AGBL4: variants seen among roughly 807,000 people sequenced by gnomAD.
AGBL4 encodes AGBL carboxypeptidase 4.
A neutral mutation model predicts 66.4 loss-of-function variants in AGBL4; 58 were observed. That is an observed-to-expected ratio of 0.87 (90% CI 0.71 to 1.09). The LOEUF (loss-of-function observed/expected upper bound fraction) is 1.09. Among genes scored for constraint, AGBL4 ranks in the 50% least tolerant of loss-of-function variants. AGBL4 has a pLI of 0.00. For synonymous variants in AGBL4, 234 were observed against 222.9 expected (o/e 1.05, Z -0.44); for missense variants, 579 against 631.0 (o/e 0.92, Z 0.88).
At chr1:49,448,065 G>T (rs1258131941) in intron 3 of AGBL4, among the ~76,000 whole-genome samples, 2 of 152,080 alleles carry the variant, frequency 1.3e-5, no homozygotes, top group Non-Finnish European at 2.9e-5. Flanking sequence ...GCAGCCTGAA[G>T]AAACTAAATT....
At chr1:48,640,601 G>A (rs1023458633) in intron 8 of AGBL4, among the ~76,000 whole-genome samples, 1 of 152,204 alleles carries the variant, frequency 6.6e-6, no homozygotes, top group African/African-American at 2.4e-5. Context: ...ATCCAAGAAA[G>A]ATTTCATCTT....
intron 3 of AGBL4, among the ~76,000 whole-genome samples, chr1:49,555,348 C>A (rs1653342859): frequency 6.6e-6 from 1 of 150,644 alleles, no homozygotes; most frequent in Non-Finnish European, 1.5e-5. Context: ...GAGCTAGACA[C>A]AGAGTGCTGA....
intron 2 of AGBL4, among the ~76,000 whole-genome samples, chr1:49,833,160 T>C (rs966455578): frequency 2.0e-5 from 3 of 152,216 alleles, no homozygotes; most frequent in African/African-American, 7.2e-5. Context: ...CATCTTGAAT[T>C]AATTTTTGTA....
chr1:49,746,280 C>G (rs1453892677), intron 2 of AGBL4, among the ~76,000 whole-genome samples: 1 of 151,942 alleles, frequency 6.6e-6, no homozygotes, highest in East Asian at 1.9e-4. Context: ...GAATTCATTA[C>G]AGATAAAGTA....
At chr1:49,667,894 ACTCT>A (rs1167604838) in intron 3 of AGBL4, among the ~76,000 whole-genome samples, 2 of 152,104 alleles carry the variant, frequency 1.3e-5, no homozygotes, top group African/African-American at 2.4e-5. Flanking sequence ...TCTTCCTTTT[ACTCT>A]CTATGTGGCC....
At chr1:49,869,884 T>C (rs1646797072) in intron 1 of AGBL4, among the ~76,000 whole-genome samples, 1 of 152,188 alleles carries the variant, frequency 6.6e-6, no homozygotes, top group South Asian at 2.1e-4. Context: ...TGACCTAGTG[T>C]GTTTGATAAC....
At chr1:49,290,130 A>G (rs1644506353) in intron 3 of AGBL4, among the ~76,000 whole-genome samples, 4 of 152,244 alleles carry the variant, frequency 2.6e-5, no homozygotes, top group Non-Finnish European at 5.9e-5. Context: ...GAAATAAATT[A>G]GAAAATATTT....
At chr1:48,564,543 G>A (rs972543050) in intron 11 of AGBL4, among the ~76,000 whole-genome samples, 81 of 152,048 alleles carry the variant, frequency 5.3e-4, no homozygotes, top group Non-Finnish European at 4.1e-4. Flanking sequence ...GCCTTTCTAT[G>A]TCTATGCTTT....
intron 4 of AGBL4, among the ~76,000 whole-genome samples, chr1:49,217,695 G>C (rs918979986): frequency 1.3e-5 from 2 of 152,160 alleles, no homozygotes; most frequent in African/African-American, 4.8e-5. Flanking sequence ...AAAGATGGTT[G>C]AATGAGTGAA....
chr1:49,934,907 C>G (rs982486636), intron 1 of AGBL4, among the ~76,000 whole-genome samples: 1 of 152,006 alleles, frequency 6.6e-6, no homozygotes, highest in Non-Finnish European at 1.5e-5. Context: ...GTGAGCGATA[C>G]AGAAAACAGG....
intron 6 of AGBL4, among the ~76,000 whole-genome samples, chr1:48,671,322 T>C (rs1257189909): frequency 6.6e-6 from 1 of 152,252 alleles, no homozygotes; most frequent in Admixed American, 6.5e-5. Flanking sequence ...ACTGACCACA[T>C]GCCAAACTTT....
intron 5 of AGBL4, among the ~76,000 whole-genome samples, chr1:48,953,387 T>C (rs1308843996): frequency 6.6e-6 from 1 of 152,160 alleles, no homozygotes; most frequent in Admixed American, 6.5e-5. Flanking sequence ...GAACTCAAGA[T>C]TACCTCTACT....
intron 3 of AGBL4, among the ~76,000 whole-genome samples, chr1:49,301,772 G>A (rs1644748658): frequency 6.6e-6 from 1 of 152,072 alleles, no homozygotes; most frequent in Non-Finnish European, 1.5e-5. Context: ...CAGACCAATT[G>A]ACGCTACCCA....
intron 3 of AGBL4, among the ~76,000 whole-genome samples, chr1:49,666,503 T>G (rs1221429251): frequency 6.6e-6 from 1 of 150,594 alleles, no homozygotes; most frequent in South Asian, 2.1e-4. Context: ...GAGGTGGAGG[T>G]TGCAGTGAGC....
chr1:49,617,385 C>A (rs777157305), intron 3 of AGBL4, among the ~76,000 whole-genome samples: 2 of 152,132 alleles, frequency 1.3e-5, no homozygotes, highest in Non-Finnish European at 2.9e-5. Context: ...ATCCCTATAC[C>A]CTCTAGTCCT....
chr1:49,597,257 C>CA (rs1408547077), intron 3 of AGBL4, among the ~76,000 whole-genome samples: 1 of 152,066 alleles, frequency 6.6e-6, no homozygotes, highest in African/African-American at 2.4e-5. Context: ...ATATGCTGGA[C>CA]AAAATAGACA....
intron 5 of AGBL4, among the ~76,000 whole-genome samples, chr1:48,939,900 A>T (rs1336967494): frequency 6.6e-6 from 1 of 152,204 alleles, no homozygotes; most frequent in Non-Finnish European, 1.5e-5. Context: ...ATTTTTAGTT[A>T]TCACAACTAG....
intron 3 of AGBL4, among the ~76,000 whole-genome samples, chr1:49,476,955 T>C (rs1004636856): frequency 3.3e-5 from 5 of 151,984 alleles, no homozygotes; most frequent in African/African-American, 1.2e-4. Context: ...CCTGTTGTGG[T>C]ATAGTCCATA....
In AGBL4 at chr1:49,465,210, T is replaced by TACACACACACAC. The variant is rs3054630; in HGVS notation, c.283-219358_283-219347dup. ...CTGTATTCCCTACCCTACCCCTACA[T>TACACACACACAC]ACACACACACACACACACACACACA... On this transcript the variant is annotated intron_variant, in intron 3 of 13. Coordinates refer to ENST00000371839, the MANE Select transcript of AGBL4 (RefSeq NM_032785.4). Among the ~76,000 whole-genome samples, 135 of 116,834 alleles carry TACACACACACAC rather than the reference T, an allele frequency of 1.2e-3. 1 individual carries two copies. Among genetic ancestry groups the TACACACACACAC allele is most frequent in the African/African-American group, 1.8e-3 (56 of 30,728 alleles). 76.6% of individuals were successfully genotyped at this position (116,834 alleles called of 152,430 possible).
Sources: gnomAD v4.1 joint callset for allele counts (sites outside exome capture counted in the v4.1 genomes callset) on GRCh38, gnomAD v4.1.1 for gene constraint, MANE v1.5 for transcripts, NCBI Gene and HGNC (gene_info 2026-07-23, HGNC 2026-07-21) for gene names.